The following ZEB1 variants were observed in gnomAD, a reference collection of about 807,000 sequenced individuals.
The protein encoded by ZEB1 is zinc finger E-box binding homeobox 1, also known as zinc finger E-box-binding homeobox 1.
A neutral mutation model predicts 84.9 loss-of-function variants in ZEB1; 21 were observed. The ratio of observed to expected loss-of-function variants is 0.25; its 90% CI spans 0.18 to 0.36. ZEB1 has a LOEUF of 0.36. Ranked by LOEUF, ZEB1 falls within the 10% of genes least tolerant of loss-of-function variation. The pLI, the probability that ZEB1 is intolerant of heterozygous loss-of-function variation, is 1.00. For synonymous variants in ZEB1, 420 were observed against 471.1 expected, an observed-to-expected ratio of 0.89 and a Z score of 1.41; for missense variants, 1,104 against 1,330.2, an observed-to-expected ratio of 0.83 and a Z score of 2.65.
chr10:31,326,855 C>T (rs1447038518), intron 1 of ZEB1, among the ~76,000 whole-genome samples: 1 of 152,092 alleles, frequency 6.6e-6, no homozygotes, highest in East Asian at 1.9e-4. Flanking sequence ...ATTTCAGATG[C>T]AGAGCATTAG....
chr10:31,437,176 G>T (rs913533833), intron 1 of ZEB1, among the ~76,000 whole-genome samples: 16 of 152,036 alleles, frequency 1.1e-4, no homozygotes, highest in African/African-American at 3.9e-4. Flanking sequence ...ATTAGGTAAG[G>T]ATTCTTATAG....
chr10:31,478,240 A>G (rs2064528478), intron 2 of ZEB1, among the ~76,000 whole-genome samples: 2 of 152,076 alleles, frequency 1.3e-5, no homozygotes, highest in Non-Finnish European at 2.9e-5. Context: ...GTTGCCAACA[A>G]ACATTTTAAA....
chr10:31,351,948 A>T (rs2041381007), intron 1 of ZEB1, among the ~76,000 whole-genome samples: 1 of 152,188 alleles, frequency 6.6e-6, no homozygotes, highest in African/African-American at 2.4e-5. Context: ...ATAAGACAAA[A>T]CATTATGTTT....
chr10:31,442,487 A>G (rs914713287), intron 1 of ZEB1, among the ~76,000 whole-genome samples: 2 of 152,254 alleles, frequency 1.3e-5, no homozygotes, highest in Admixed American at 6.5e-5. Flanking sequence ...CAGCATACCA[A>G]CATGGCACAT....
chr10:31,413,828 A>C (rs2054726215), intron 1 of ZEB1, among the ~76,000 whole-genome samples: 2 of 152,200 alleles, frequency 1.3e-5, no homozygotes, highest in Non-Finnish European at 2.9e-5. Context: ...TTATAATTTC[A>C]TAGCGATTAA....
chr10:31,446,922 A>G (rs1240234240), intron 1 of ZEB1, among the ~76,000 whole-genome samples: 1 of 152,250 alleles, frequency 6.6e-6, no homozygotes, highest in Admixed American at 6.5e-5. Flanking sequence ...GTAGATGTCT[A>G]TTAGGTCTGC....
intron 6 of ZEB1, among the ~76,000 whole-genome samples, chr10:31,516,325 C>G (rs1025495378): frequency 1.3e-5 from 2 of 151,798 alleles, no homozygotes; most frequent in Non-Finnish European, 2.9e-5. Context: ...TTTAAAACAT[C>G]TAATGTGAGG....
rs368639334 is a variant in ZEB1, at chr10:31,492,177, G to C, written c.260-3599G>C. Reference sequence around the variant, plus strand: ...GGAGCAACTTCAGGAAAGGTATAGAGAAGGTCCCCAACTTACAACATTGAC... The same window carrying C: ...GGAGCAACTTCAGGAAAGGTATAGACAAGGTCCCCAACTTACAACATTGAC... On this transcript the variant is annotated intron_variant, in intron 2 of 8. Coordinates refer to ENST00000424869, the MANE Select transcript of ZEB1 (RefSeq NM_001174096.2). 4.6e-5 allele frequency among the ~76,000 whole-genome samples: 7 copies of C among 152,020 alleles called. No individual in the cohort carries two copies. In the East Asian group the frequency reaches 1.4e-3, roughly 29 times the overall value.
At chr10:31,355,889 A>C (rs2042040837) in intron 1 of ZEB1, among the ~76,000 whole-genome samples, 2 of 152,134 alleles carry the variant, frequency 1.3e-5, no homozygotes, top group Non-Finnish European at 2.9e-5. Context: ...GCCATGATTA[A>C]ATTTTTCATT....
At chr10:31,433,196 T>C (rs2136293752) in intron 1 of ZEB1, among the ~76,000 whole-genome samples, 2 of 152,356 alleles carry the variant, frequency 1.3e-5, no homozygotes, top group East Asian at 3.9e-4. Flanking sequence ...ATTAGTTATT[T>C]GGAAGATATT....
chr10:31,427,054 G>T (rs1374390183), intron 1 of ZEB1, among the ~76,000 whole-genome samples: 1 of 151,624 alleles, frequency 6.6e-6, no homozygotes. Context: ...TTACTTCTTG[G>T]GTTCTCTTTA....
chr10:31,516,594 A>G (rs2139678875), intron 6 of ZEB1, among the ~76,000 whole-genome samples: 1 of 147,018 alleles, frequency 6.8e-6, no homozygotes, highest in African/African-American at 2.5e-5. Context: ...TGCTAGAAAA[A>G]GGACTATTCT....
At chr10:31,525,174 A>G (rs74127779) in intron 8 of ZEB1, among the ~76,000 whole-genome samples, 1,737 of 152,332 alleles carry the variant, frequency 0.011, 26 homozygotes, top group African/African-American at 0.039. Context: ...ATTCATTTAC[A>G]TTTTGTCTAT....
At chr10:31,402,086 A>C (rs1223566872) in intron 1 of ZEB1, among the ~76,000 whole-genome samples, 1 of 151,650 alleles carries the variant, frequency 6.6e-6, no homozygotes, top group African/African-American at 2.4e-5. Flanking sequence ...ACCAAAAGTC[A>C]GTATTTTGTT....
chr10:31,425,013 A>T (rs1195182577), intron 1 of ZEB1, among the ~76,000 whole-genome samples: 2 of 151,932 alleles, frequency 1.3e-5, no homozygotes, highest in Non-Finnish European at 2.9e-5. Context: ...TTTAAATGGG[A>T]AAAAAACTCT....
At chr10:31,417,455 C>A (rs528931090) in intron 1 of ZEB1, among the ~76,000 whole-genome samples, 2 of 151,826 alleles carry the variant, frequency 1.3e-5, no homozygotes, top group African/African-American at 2.4e-5. Context: ...GAGGAAATTG[C>A]GTATTCTGGT....
chr10:31,389,858 T>C (rs528474535), intron 1 of ZEB1, among the ~76,000 whole-genome samples: 33 of 152,272 alleles, frequency 2.2e-4, no homozygotes, highest in Non-Finnish European at 3.7e-4. Flanking sequence ...ATTCAAAATC[T>C]GTGTATTTTA....
At chr10:31,497,464 C>T (rs1328834210) in intron 3 of ZEB1, among the ~76,000 whole-genome samples, 1 of 152,062 alleles carries the variant, frequency 6.6e-6, no homozygotes, top group Non-Finnish European at 1.5e-5. Flanking sequence ...CCCACGTACA[C>T]AATGATGATC....
intron 1 of ZEB1, among the ~76,000 whole-genome samples, chr10:31,443,127 CT>C (rs2059241098): frequency 6.6e-6 from 1 of 152,138 alleles, no homozygotes; most frequent in Admixed American, 6.5e-5. Context: ...GATATTTCTT[CT>C]GTTACTGAGG....
Sources: allele counts gnomAD v4.1 joint callset (sites outside exome capture counted in the v4.1 genomes callset), GRCh38; gene constraint gnomAD v4.1.1; transcripts MANE v1.5; gene names NCBI Gene and HGNC (gene_info 2026-07-23, HGNC 2026-07-21).